The following RFX2 variants were observed in gnomAD, a reference collection of about 807,000 sequenced individuals.
RFX2 encodes the protein DNA-binding protein RFX2.
A neutral mutation model predicts 87.8 loss-of-function variants in RFX2; 20 were observed. The ratio of observed to expected loss-of-function variants is 0.23; its 90% CI spans 0.16 to 0.33. RFX2 has a LOEUF of 0.33. Among genes scored for constraint, RFX2 ranks in the 10% least tolerant of loss-of-function variants. The pLI is 1.00. For synonymous variants in RFX2, 397 were observed against 431.3 expected (o/e 0.92, Z 0.98); for missense variants, 767 against 1,012.3 (o/e 0.76, Z 3.29).
intron 6 of RFX2, among the ~76,000 whole-genome samples, chr19:6,025,627 GTGT>G (rs2086877501): frequency 6.6e-6 from 1 of 152,078 alleles, no homozygotes; most frequent in Admixed American, 6.5e-5. Flanking sequence ...GAGGAGGTAG[GTGT>G]TGTTATTATC....
At chr19:6,078,579 G>GA (rs536503715) in intron 1 of RFX2, among the ~76,000 whole-genome samples, 10 of 151,974 alleles carry the variant, frequency 6.6e-5, no homozygotes, top group Non-Finnish European at 2.9e-5. Context: ...AATTTATGTT[G>GA]AAAAAACCCC....
intron 1 of RFX2, among the ~76,000 whole-genome samples, chr19:6,066,754 C>G (rs1388050536): frequency 1.3e-5 from 2 of 152,104 alleles, no homozygotes; most frequent in Non-Finnish European, 2.9e-5. Flanking sequence ...ACCTGGAGTC[C>G]GCAGTCTTGG....
At chr19:6,034,418 G>C (rs758440310) in intron 5 of RFX2, among the ~76,000 whole-genome samples, 1 of 151,872 alleles carries the variant, frequency 6.6e-6, no homozygotes, top group South Asian at 2.1e-4. Context: ...TAGTAGAGAC[G>C]GGGTTTCACC....
intron 5 of RFX2, among the ~76,000 whole-genome samples, chr19:6,037,465 A>G (rs1220767026): frequency 6.6e-6 from 1 of 152,216 alleles, no homozygotes; most frequent in Non-Finnish European, 1.5e-5. Flanking sequence ...ATACTTTGAT[A>G]TAAATCTAAC....
intron 1 of RFX2, among the ~76,000 whole-genome samples, chr19:6,089,367 G>C (rs2087901501): frequency 1.3e-5 from 2 of 152,156 alleles, no homozygotes; most frequent in South Asian, 4.1e-4. Context: ...AGTGTGCACG[G>C]GCAGGAGCTG....
chr19:6,098,995 C>G (rs1490602736), intron 1 of RFX2, among the ~76,000 whole-genome samples: 1 of 92,556 alleles, frequency 1.1e-5, no homozygotes, highest in African/African-American at 5.1e-5. Context: ...AAAAAAAAAG[C>G]TAAGGGTTAA....
Position 6,022,872 on chromosome 19 carries a change from T to C in RFX2, c.597+3291A>G, listed in dbSNP as rs2086836283. Reference sequence around the variant, plus strand: ...CTGTTGACCGGCTGGGTCTGGACAATGCTGTCTCGTTTTACCAGGCTCCCA... The same window carrying C: ...CTGTTGACCGGCTGGGTCTGGACAACGCTGTCTCGTTTTACCAGGCTCCCA... On this transcript the variant is annotated intron_variant, in intron 6 of 17. Coordinates refer to ENST00000303657, the MANE Select transcript of RFX2 (RefSeq NM_000635.4). This position sits in a 1 kb window ranked among gnomAD's most constrained non-coding sequence, Gnocchi z 6.2. Among the ~76,000 whole-genome samples the C allele has an allele frequency of 2.0e-5, 3 of 152,146 alleles. No homozygotes were observed. Among genetic ancestry groups the C allele is most frequent in the South Asian group, 2.1e-4 (1 of 4,832 alleles).
rs1162279287 is a variant in RFX2, at chr19:6,004,062, G to A, written c.1500+139C>T. ...GACGCGTCACCGGCAGTGTGCTCAG[G>A]GCTTCCTGAAGGGATCGGTTACTCT... On this transcript the variant is annotated intron_variant, in intron 13 of 17. Coordinates refer to ENST00000303657, the MANE Select transcript of RFX2 (RefSeq NM_000635.4). The surrounding 1 kb of genome is among the most constrained non-coding windows in gnomAD (Gnocchi z 4.8). 6 of 697,452 alleles carry A rather than the reference G, an allele frequency of 8.6e-6. No individual in the cohort carries two copies. Among genetic ancestry groups the A allele is most frequent in the African/African-American group, 1.7e-5 (1 of 57,334 alleles). 43.2% of individuals were successfully genotyped at this position (697,452 alleles called of 1,614,324 possible). A position where few individuals can be genotyped will look rare whatever the true frequency, so the allele number is the denominator to read the frequency against.
intron 1 of RFX2, among the ~76,000 whole-genome samples, chr19:6,081,405 T>C (rs533469229): frequency 6.6e-6 from 1 of 152,346 alleles, no homozygotes; most frequent in South Asian, 2.1e-4. Context: ...ATCATATCAT[T>C]TTATAAACAA....
At position 6,045,547 on chromosome 19, in the gene RFX2, C is replaced by T. The variant is rs975061927; in HGVS notation, c.91-1265G>A. The stretch of plus-strand genomic sequence containing the variant: ...CCTCACCTCAGATGGGCTTCCAAGA[C>T]GCCCTCCCCACTGCCATATGTGCAA... On this transcript the variant is annotated intron_variant, in intron 2 of 17. Transcript: ENST00000303657. The surrounding 1 kb of genome is among the most constrained non-coding windows in gnomAD (Gnocchi z 5.2). Among the ~76,000 whole-genome samples the T allele has an allele frequency of 4.6e-5, 7 of 152,334 alleles. No individual in the cohort carries two copies. The highest frequency in any genetic ancestry group is 1.9e-4 in the East Asian group (1 of 5,192).
chr19:6,045,481 T>C lies in RFX2; in HGVS notation c.91-1199A>G, dbSNP rs1160135693. On this transcript the variant is annotated intron_variant, in intron 2 of 17. Transcript: ENST00000303657. The surrounding 1 kb of genome is among the most constrained non-coding windows in gnomAD (Gnocchi z 5.2). The stretch of plus-strand genomic sequence containing the variant: ...AATTTCAAGTGGGCACGGAAACATA[T>C]CAATTAGGCCACAACTGCTGGCAGG... Among the ~76,000 whole-genome samples, 1 of 152,084 alleles carries C rather than the reference T, an allele frequency of 6.6e-6. No homozygotes were observed. Among genetic ancestry groups the C allele is most frequent in the Non-Finnish European group, 1.5e-5 (1 of 68,008 alleles).
rs566558391 is a variant in RFX2, at chr19:6,063,573, A to T, written c.-8-16069T>A. Among the ~76,000 whole-genome samples, 20 of 152,302 alleles carry T rather than the reference A, an allele frequency of 1.3e-4. No homozygotes were observed. In the East Asian group the frequency reaches 3.9e-3, roughly 29 times the overall value. ...CCACCCGCCCATGACAGCTAAGATT[A>T]AAGTGACTGCTGCGTTGAAGAAGGA... On this transcript the variant is annotated intron_variant, in intron 1 of 17. Coordinates refer to ENST00000303657, the MANE Select transcript of RFX2 (RefSeq NM_000635.4). This position sits in a 1 kb window ranked among gnomAD's most constrained non-coding sequence, Gnocchi z 4.0.
In RFX2 at chr19:6,024,550, G is replaced by T. The variant is rs1347672486; in HGVS notation, c.597+1613C>A. 3.9e-5 allele frequency among the ~76,000 whole-genome samples: 6 copies of T among 152,246 alleles called. No individual in the cohort carries two copies. Among genetic ancestry groups the T allele is most frequent in the Admixed American group, 3.9e-4 (6 of 15,286 alleles). ...CCAGCCCCCTGAGGCAAAGGGCAGA[G>T]GCCTCGTCAGGGGCTGCGGTGAGCA... On this transcript the variant is annotated intron_variant, in intron 6 of 17. Transcript: ENST00000303657. The surrounding 1 kb of genome is among the most constrained non-coding windows in gnomAD (Gnocchi z 5.0).
Position 6,012,611 on chromosome 19 carries a change from A to T in RFX2, c.899+375T>A, listed in dbSNP as rs2086674653. On this transcript the variant is annotated intron_variant, in intron 8 of 17. Transcript: ENST00000303657. The surrounding 1 kb of genome is among the most constrained non-coding windows in gnomAD (Gnocchi z 4.6). ...GCTCCGCGGAGGGTCACGGGTCATG[A>T]GCAATGCACCGCTGTGTGGGGGAGG... 6.6e-6 allele frequency among the ~76,000 whole-genome samples: 1 copy of T among 151,922 alleles called. No individual in the cohort carries two copies. Among genetic ancestry groups the T allele is most frequent in the Admixed American group, 6.5e-5 (1 of 15,274 alleles).
chr19:6,038,446 T>C (rs2087055594), intron 5 of RFX2, among the ~76,000 whole-genome samples: 1 of 151,308 alleles, frequency 6.6e-6, no homozygotes, highest in East Asian at 1.9e-4. Flanking sequence ...AGACATGACA[T>C]TGAAAGCATG....
intron 6 of RFX2, among the ~76,000 whole-genome samples, chr19:6,019,123 G>A (rs80190249): frequency 0.027 from 4,175 of 152,010 alleles, 156 homozygotes; most frequent in African/African-American, 0.081. Context: ...AATTTCATCC[G>A]TCCAGCATTG....
intron 1 of RFX2, among the ~76,000 whole-genome samples, chr19:6,078,528 A>G (rs2087729003): frequency 6.6e-6 from 1 of 152,318 alleles, no homozygotes; most frequent in South Asian, 2.1e-4. Context: ...CAACATCTGC[A>G]GTGCCTGGCA....
chr19:6,005,245 G>A (rs554636459), intron 12 of RFX2, among the ~76,000 whole-genome samples: 2 of 152,354 alleles, frequency 1.3e-5, no homozygotes, highest in Admixed American at 6.5e-5. Flanking sequence ...AATGAGAAAT[G>A]CAATACTTTT....
intron 1 of RFX2, among the ~76,000 whole-genome samples, chr19:6,102,277 T>C (rs1279132554): frequency 1.3e-5 from 2 of 152,226 alleles, no homozygotes; most frequent in Non-Finnish European, 2.9e-5. Context: ...TGTAGAAACA[T>C]CTAGCAAAGC....
Sources: allele counts gnomAD v4.1 joint callset (sites outside exome capture counted in the v4.1 genomes callset), GRCh38; gene constraint gnomAD v4.1.1; non-coding constraint Gnocchi (gnomAD v3.1); transcripts MANE v1.5; gene names NCBI Gene and HGNC (gene_info 2026-07-23, HGNC 2026-07-21).